Variants in TBCK observed in about 807,000 individuals in gnomAD.
The protein encoded by TBCK is TBC1 domain containing kinase.
A neutral mutation model predicts 113.4 loss-of-function variants in TBCK; 99 were observed. That is an observed-to-expected ratio of 0.87 (90% CI 0.74 to 1.03). The LOEUF (loss-of-function observed/expected upper bound fraction) is 1.03, where lower values mean the gene tolerates loss of function less well. Among genes scored for constraint, TBCK ranks in the 50% least tolerant of loss-of-function variants. The pLI, the probability that TBCK is intolerant of heterozygous loss-of-function variation, is 0.00. For synonymous variants in TBCK, 369 were observed against 370.8 expected (o/e 1.00, Z 0.05); for missense variants, 1,045 against 1,061.3 (o/e 0.98, Z 0.21).
intron 23 of TBCK, among the ~76,000 whole-genome samples, chr4:106,123,939 G>A (rs1285932279): frequency 2.7e-5 from 4 of 150,886 alleles, no homozygotes; most frequent in Admixed American, 2.6e-4. Flanking sequence ...ACATAGGCAT[G>A]GGCAAGGACT....
chr4:106,070,592 C>G (rs1303757488), intron 25 of TBCK, among the ~76,000 whole-genome samples: 1 of 151,904 alleles, frequency 6.6e-6, no homozygotes, highest in Non-Finnish European at 1.5e-5. Flanking sequence ...GGATATTGGT[C>G]TAAAATTCTC....
chr4:106,282,881 C>G (rs566634254), intron 3 of TBCK, among the ~76,000 whole-genome samples: 1 of 152,158 alleles, frequency 6.6e-6, no homozygotes, highest in South Asian at 2.1e-4. Context: ...CACTCAGTCA[C>G]AGTAATCAAG....
intron 21 of TBCK, 128 bp from the exon 22 acceptor site, chr4:106,193,898 C>T (rs1368229877): frequency 3.4e-6 from 2 of 584,910 alleles, no homozygotes; most frequent in East Asian, 6.6e-5. Context: ...CTAATACTAC[C>T]AAACTCTTTT....
intron 3 of TBCK, among the ~76,000 whole-genome samples, chr4:106,270,176 C>A (rs1460994705): frequency 6.6e-6 from 1 of 152,088 alleles, no homozygotes; most frequent in Non-Finnish European, 1.5e-5. Flanking sequence ...TGTATATATC[C>A]TATAAATTAA....
At chr4:106,251,782 A>C in intron 6 of TBCK, 84 bp downstream of exon 6, 3 of 1,188,970 alleles carry the variant, frequency 2.5e-6, no homozygotes, top group Non-Finnish European at 3.3e-6. Context: ...GCAAAAACAT[A>C]CTATTATTAA....
intron 23 of TBCK, among the ~76,000 whole-genome samples, chr4:106,168,011 C>T (rs1309586183): frequency 6.6e-6 from 1 of 151,708 alleles, no homozygotes; most frequent in Non-Finnish European, 1.5e-5. Context: ...TCTATGAGGC[C>T]AGTATTACCC....
chr4:106,084,240 T>C (rs974241398), intron 25 of TBCK, among the ~76,000 whole-genome samples: 2 of 151,936 alleles, frequency 1.3e-5, no homozygotes, highest in East Asian at 3.9e-4. Flanking sequence ...GAGAGGAACA[T>C]AAACGACCTG....
chr4:106,304,951 T>G (rs887683020), intron 2 of TBCK, among the ~76,000 whole-genome samples: 1 of 152,212 alleles, frequency 6.6e-6, no homozygotes, highest in Non-Finnish European at 1.5e-5. Context: ...TACCCTCTTC[T>G]CTATACTTTA....
chr4:106,174,668 T>A (rs1208473135), intron 22 of TBCK, among the ~76,000 whole-genome samples: 3 of 152,126 alleles, frequency 2.0e-5, no homozygotes, highest in Non-Finnish European at 1.5e-5. Context: ...TTTTTAAATC[T>A]TCTATTCTAT....
chr4:106,218,910 C>T (rs1413746437), intron 19 of TBCK, among the ~76,000 whole-genome samples: 1 of 151,242 alleles, frequency 6.6e-6, no homozygotes, highest in South Asian at 2.1e-4. Flanking sequence ...GCTATAAAGA[C>T]ACATGCACAC....
intron 3 of TBCK, among the ~76,000 whole-genome samples, chr4:106,287,129 A>G (rs779253242): frequency 4.6e-5 from 7 of 151,992 alleles, no homozygotes; most frequent in African/African-American, 7.3e-5. Context: ...AACTTTTGGG[A>G]GCACAAGACC....
intron 1 of TBCK, 52 bp from the exon 2 acceptor site, chr4:106,309,041 A>T: frequency 1.6e-6 from 2 of 1,229,778 alleles, no homozygotes; most frequent in Non-Finnish European, 2.2e-6. Context: ...CAGACAGACC[A>T]AATCTTAAGC....
At chr4:106,056,279 T>C (rs929621393) in intron 25 of TBCK, among the ~76,000 whole-genome samples, 14 of 150,722 alleles carry the variant, frequency 9.3e-5, no homozygotes, top group Non-Finnish European at 1.6e-4. Flanking sequence ...TTTTTTTTTT[T>C]TTTTTTGTAG....
rs777954236 is a variant in TBCK at position 106,244,732 on chromosome 4, T to C, written c.964A>G (p.Ile322Val). Residue 322 changes from isoleucine (I) to valine (V), a missense_variant, in exon 11 of 26, where the codon ATT becomes GTT. Ile to Val is a conservative substitution (Grantham distance 29). Transcript: ENST00000394708. ...INNDYLAERS[I>V]EEVYYLWCLA... ...CACCAAAGGTAATACACTTCTTCAATAGATCTTTCTGCCAGGTAATCATTA... is the reference window on the plus strand; with the variant it reads ...CACCAAAGGTAATACACTTCTTCAACAGATCTTTCTGCCAGGTAATCATTA... 6.9e-6 allele frequency: 11 copies of C among 1,596,070 alleles called. No homozygotes were observed. Among genetic ancestry groups the C allele is most frequent in the African/African-American group, 6.8e-5 (5 of 74,058 alleles).
At chr4:106,077,808 C>G (rs572819347) in intron 25 of TBCK, among the ~76,000 whole-genome samples, 1 of 152,220 alleles carries the variant, frequency 6.6e-6, no homozygotes, top group Admixed American at 6.5e-5. Flanking sequence ...CCAATTAGAC[C>G]TAATAGACAC....
At chr4:106,109,949 A>T (rs1364139188) in intron 24 of TBCK, among the ~76,000 whole-genome samples, 3 of 152,096 alleles carry the variant, frequency 2.0e-5, no homozygotes, top group Non-Finnish European at 4.4e-5. Flanking sequence ...AGGCAGCCAA[A>T]CCCTCTTATC....
At chr4:106,149,834 G>A (rs992569892) in intron 23 of TBCK, among the ~76,000 whole-genome samples, 3 of 152,184 alleles carry the variant, frequency 2.0e-5, no homozygotes, top group Admixed American at 6.5e-5. Flanking sequence ...CAATAACAGT[G>A]AAAGTGCAGT....
chr4:106,117,225 T>C (rs1309982326), intron 23 of TBCK, among the ~76,000 whole-genome samples: 1 of 152,236 alleles, frequency 6.6e-6, no homozygotes, highest in Admixed American at 6.5e-5. Context: ...TTTAAGTACA[T>C]TTCACTTTTC....
intron 20 of TBCK, among the ~76,000 whole-genome samples, chr4:106,198,211 G>A (rs913572840): frequency 6.6e-6 from 1 of 152,118 alleles, no homozygotes; most frequent in African/African-American, 2.4e-5. Flanking sequence ...GTTAACCTCT[G>A]TGAATCCCAG....
Sources: gnomAD v4.1 joint callset for allele counts (sites outside exome capture counted in the v4.1 genomes callset) on GRCh38, gnomAD v4.1.1 for gene constraint, MANE v1.5 for transcripts, NCBI Gene and HGNC (gene_info 2026-07-23, HGNC 2026-07-21) for gene names.